TERF2: variants seen among roughly 807,000 people sequenced by gnomAD.
The protein encoded by TERF2 is telomeric repeat binding factor 2, also known as telomeric repeat-binding factor 2.
In TERF2, 16 loss-of-function variants were observed where a neutral mutation model predicts 56.1. That is an observed-to-expected ratio of 0.29 (90% CI 0.19 to 0.43). The LOEUF is 0.43. Among genes scored for constraint, TERF2 ranks in the 20% least tolerant of loss-of-function variants. TERF2 has a pLI of 1.00. For missense variants in TERF2, 547 were observed against 712.9 expected, an observed-to-expected ratio of 0.77 and a Z score of 2.65; for synonymous variants, 296 against 282.1, an observed-to-expected ratio of 1.05 and a Z score of -0.50.
intron 3 of TERF2, among the ~76,000 whole-genome samples, chr16:69,376,846 C>T (rs548788960): frequency 3.1e-5 from 4 of 129,720 alleles, no homozygotes; most frequent in Admixed American, 8.7e-5. Context: ...GGTGACAGAG[C>T]GAGACCTTGT....
chr16:69,356,825 A>G lies in TERF2; in HGVS notation c.*73T>C. 1 of 1,463,760 alleles carries G rather than the reference A, an allele frequency of 6.8e-7. No homozygotes were observed. The highest frequency in any genetic ancestry group is 2.3e-5 in the East Asian group (1 of 42,588). The allele number at this position is 1,463,760 out of a possible 1,614,324, so 90.7% of individuals were successfully genotyped here. On this transcript the variant is annotated 3_prime_UTR_variant, in exon 10 of 10. Coordinates refer to ENST00000254942, the MANE Select transcript of TERF2 (RefSeq NM_005652.5). Reference sequence around the variant, plus strand: ...AAAAAAAAAAAAAAAAGAAAAAGAAAGAAAGAGCAGACTATCAGGGGCTAT... The same window carrying G: ...AAAAAAAAAAAAAAAAGAAAAAGAAGGAAAGAGCAGACTATCAGGGGCTAT...
chr16:69,362,366 C>T (rs879935019), intron 7 of TERF2, among the ~76,000 whole-genome samples: 1 of 152,170 alleles, frequency 6.6e-6, no homozygotes, highest in Non-Finnish European at 1.5e-5. Context: ...AGTGCTGTTT[C>T]CACCATACCA....
At chr16:69,384,788 A>T (rs2014128724) in intron 2 of TERF2, 78 bp from the exon 3 acceptor site, 1 of 1,280,312 alleles carries the variant, frequency 7.8e-7, no homozygotes, top group Non-Finnish European at 1.0e-6. Context: ...ATATATATAT[A>T]TTTATGGAAA....
intron 8 of TERF2, among the ~76,000 whole-genome samples, chr16:69,359,117 C>T (rs975349872): frequency 1.4e-4 from 22 of 152,184 alleles, no homozygotes; most frequent in African/African-American, 5.3e-4. Context: ...ATGGGACCAC[C>T]GTCACCATAT....
rs1253776776 is a variant in TERF2, at chr16:69,356,159, C to G, written c.*739G>C. On this transcript the variant is annotated 3_prime_UTR_variant, in exon 10 of 10. Transcript: ENST00000254942. Reference sequence around the variant, plus strand: ...AGACTAAGTTCCTTTGCATTTGCATCAGAAGGCCAGAACTTGACGTGGAAC... The same window carrying G: ...AGACTAAGTTCCTTTGCATTTGCATGAGAAGGCCAGAACTTGACGTGGAAC... The G allele has an allele frequency of 2.2e-6, 1 of 453,036 alleles. No individual in the cohort carries two copies. The highest frequency in any genetic ancestry group is 2.0e-5 in the African/African-American group (1 of 49,916). The allele number at this position is 453,036 out of a possible 1,614,324, so 28.1% of individuals were successfully genotyped here.
chr16:69,375,450 G>A (rs2142751415), intron 3 of TERF2, among the ~76,000 whole-genome samples: 1 of 152,274 alleles, frequency 6.6e-6, no homozygotes, highest in South Asian at 2.1e-4. Flanking sequence ...TGTAATCTCA[G>A]CACTTCAGAA....
At chr16:69,366,546 G>C (rs1008537626) in intron 7 of TERF2, 1 of 448,852 alleles carries the variant, frequency 2.2e-6, no homozygotes, top group Non-Finnish European at 3.9e-6. Context: ...AAAAATGAAA[G>C]CAGCGATGAG....
intron 5 of TERF2, 42 bp downstream of exon 5, chr16:69,370,441 T>A: frequency 6.2e-7 from 1 of 1,602,460 alleles, no homozygotes; most frequent in Non-Finnish European, 8.5e-7. Context: ...CCGCACATCC[T>A]CAAGGGCACA....
chr16:69,357,480 C>T, intron 9 of TERF2, 38 bp downstream of exon 9: 1 of 1,573,338 alleles, frequency 6.4e-7, no homozygotes, highest in South Asian at 1.1e-5. Context: ...TCTGCTCTAC[C>T]CACATAACCA....
chr16:69,364,654 T>C (rs2013272618), intron 7 of TERF2, among the ~76,000 whole-genome samples: 1 of 151,958 alleles, frequency 6.6e-6, no homozygotes, highest in Non-Finnish European at 1.5e-5. Flanking sequence ...TGTAAGGAGC[T>C]CCCACTGCGT....
chr16:69,366,646 G>A, intron 7 of TERF2, 161 bp downstream of exon 7: 2 of 930,102 alleles, frequency 2.2e-6, no homozygotes, highest in Non-Finnish European at 3.1e-6. Flanking sequence ...GGCAGGGATG[G>A]CTACGTCGTC....
intron 7 of TERF2, among the ~76,000 whole-genome samples, chr16:69,361,699 C>A (rs1460694440): frequency 6.6e-6 from 1 of 152,060 alleles, no homozygotes; most frequent in Non-Finnish European, 1.5e-5. Context: ...TGCAGGACAC[C>A]CTTCAAATTC....
At chr16:69,364,355 A>C (rs2013260997) in intron 7 of TERF2, among the ~76,000 whole-genome samples, 2 of 152,118 alleles carry the variant, frequency 1.3e-5, no homozygotes, top group Admixed American at 1.3e-4. Context: ...TTGTTGTATT[A>C]GAATTATCTG....
chr16:69,358,044 A>T (rs753258065), intron 8 of TERF2, among the ~76,000 whole-genome samples: 46 of 94,758 alleles, frequency 4.9e-4, no homozygotes, highest in Non-Finnish European at 8.3e-4. Flanking sequence ...AAGGAGTCTC[A>T]CTCTGTCGCC....
intron 5 of TERF2, among the ~76,000 whole-genome samples, chr16:69,369,902 C>T (rs1448678933): frequency 1.3e-5 from 2 of 152,198 alleles, no homozygotes; most frequent in Non-Finnish European, 2.9e-5. Flanking sequence ...TGGGAACCAC[C>T]ATCGATTGCA....
chr16:69,370,730 C>A, intron 4 of TERF2, 101 bp from the exon 5 acceptor site: 13 of 1,188,934 alleles, frequency 1.1e-5, no homozygotes, highest in Non-Finnish European at 1.4e-5. Flanking sequence ...TCTGCAATGC[C>A]GTCAATGCAA....
At chr16:69,371,532 G>T (rs1401792749) in intron 4 of TERF2, among the ~76,000 whole-genome samples, 2 of 143,956 alleles carry the variant, frequency 1.4e-5, no homozygotes, top group African/African-American at 5.1e-5. Context: ...GTATATAGAA[G>T]AAATGGTTGG....
chr16:69,357,073 A>C lies in TERF2; in HGVS notation c.1471-17T>G. 1 of 1,600,662 alleles carries C rather than the reference A, an allele frequency of 6.2e-7. No homozygotes were observed. The highest frequency in any genetic ancestry group is 8.5e-7 in the Non-Finnish European group (1 of 1,175,080). On this transcript the variant is annotated splice_polypyrimidine_tract_variant and intron_variant, in intron 9 of 9. Coordinates refer to ENST00000254942, the MANE Select transcript of TERF2 (RefSeq NM_005652.5). ...AGTCCACTTCTGCAAAAGAAAACCA[A>C]AAGATTTATTACCACCTTTCCTCTC...
At position 69,384,447 on chromosome 16, in the gene TERF2, G is replaced by A. The variant is rs918043509; in HGVS notation, c.606+133C>T. On this transcript the variant is annotated intron_variant, in intron 3 of 9. Transcript: ENST00000254942. ...ACACCTGAAGAAATAACGTCTGTGTGTGTGCTTTCTTGCTTGCTCAATCTC... is the reference window on the plus strand; with the variant it reads ...ACACCTGAAGAAATAACGTCTGTGTATGTGCTTTCTTGCTTGCTCAATCTC... 6 of 925,762 alleles carry A rather than the reference G, an allele frequency of 6.5e-6. No individual in the cohort carries two copies. In the African/African-American group the frequency reaches 8.4e-5, roughly 13 times the overall value. 57.3% of individuals were successfully genotyped at this position (925,762 alleles called of 1,614,324 possible).
Sources: allele counts gnomAD v4.1 joint callset (sites outside exome capture counted in the v4.1 genomes callset), GRCh38; gene constraint gnomAD v4.1.1; transcripts MANE v1.5; gene names NCBI Gene and HGNC (gene_info 2026-07-23, HGNC 2026-07-21).